The following UNC5C variants were observed in gnomAD, a reference collection of about 807,000 sequenced individuals.
UNC5C encodes the protein unc-5 netrin receptor C.
UNC5C carries 47 observed loss-of-function variants against 99.8 expected under a neutral mutation model. The ratio of observed to expected loss-of-function variants is 0.47; its 90% CI spans 0.37 to 0.60. The LOEUF (loss-of-function observed/expected upper bound fraction) is 0.60. UNC5C is among the 20% of genes least tolerant of loss of function. The probability of loss-of-function intolerance (pLI) is 0.00; values close to 1 mark genes in which losing one functional copy is unlikely to be tolerated. For missense variants in UNC5C, 1,062 were observed against 1,165.9 expected, an observed-to-expected ratio of 0.91 and a Z score of 1.30; for synonymous variants, 487 against 452.2, an observed-to-expected ratio of 1.08 and a Z score of -0.98.
chr4:95,440,178 G>A (rs1306914801), intron 1 of UNC5C, among the ~76,000 whole-genome samples: 2 of 152,098 alleles, frequency 1.3e-5, no homozygotes, highest in African/African-American at 2.4e-5. Context: ...TGTTCTGCAC[G>A]GATAGGAAAG....
chr4:95,201,666 C>T (rs1031649334), intron 12 of UNC5C, among the ~76,000 whole-genome samples: 10 of 151,566 alleles, frequency 6.6e-5, no homozygotes, highest in African/African-American at 1.2e-4. Context: ...TGCAGTGAGG[C>T]GATTTCGGCT....
At chr4:95,222,945 G>A (rs960035249) in intron 7 of UNC5C, among the ~76,000 whole-genome samples, 2 of 152,116 alleles carry the variant, frequency 1.3e-5, no homozygotes, top group African/African-American at 4.8e-5. Flanking sequence ...AGGGCCTAGA[G>A]GTTATAAGGG....
intron 14 of UNC5C, among the ~76,000 whole-genome samples, chr4:95,175,800 G>C (rs1736317476): frequency 6.6e-6 from 1 of 152,104 alleles, no homozygotes; most frequent in African/African-American, 2.4e-5. Flanking sequence ...TGCCTTGCTA[G>C]ACTGGGGAAG....
chr4:95,449,082 A>G (rs1032676491), intron 1 of UNC5C, among the ~76,000 whole-genome samples: 11 of 152,110 alleles, frequency 7.2e-5, no homozygotes, highest in Non-Finnish European at 1.5e-4. Flanking sequence ...AAAACAAATT[A>G]TATCAACAAA....
intron 13 of UNC5C, among the ~76,000 whole-genome samples, chr4:95,183,497 G>C (rs1736701166): frequency 1.3e-5 from 2 of 152,138 alleles, no homozygotes; most frequent in South Asian, 4.1e-4. Flanking sequence ...AAAGTCTAAA[G>C]GATACTGCAC....
intron 1 of UNC5C, among the ~76,000 whole-genome samples, chr4:95,407,118 A>C (rs1305377812): frequency 6.6e-6 from 1 of 152,194 alleles, no homozygotes; most frequent in Non-Finnish European, 1.5e-5. Context: ...AGACAATAGC[A>C]GATTAAGGTT....
chr4:95,331,682 AT>A (rs1489102294), intron 2 of UNC5C, among the ~76,000 whole-genome samples: 6 of 152,134 alleles, frequency 3.9e-5, no homozygotes. Context: ...TTTACAGTTA[AT>A]TTATAAGGTA....
intron 1 of UNC5C, among the ~76,000 whole-genome samples, chr4:95,516,955 T>G (rs1722235225): frequency 6.6e-6 from 1 of 152,054 alleles, no homozygotes; most frequent in Non-Finnish European, 1.5e-5. Context: ...GATAGAGGCT[T>G]CCGGGGAGCA....
Position 95,168,996 on chromosome 4 carries a change from G to A in UNC5C, c.*238C>T, listed in dbSNP as rs1735974185. 2.0e-6 allele frequency: 1 copy of A among 508,200 alleles called. No individual in the cohort carries two copies. The highest frequency in any genetic ancestry group is 3.5e-6 in the Non-Finnish European group (1 of 286,384). The allele number at this position is 508,200 out of a possible 1,614,324, so 31.5% of individuals were successfully genotyped here. A position where few individuals can be genotyped will look rare whatever the true frequency, so the allele number is the denominator to read the frequency against. ...ACAGCCCAACTAAGAGGAAAATTAG[G>A]TTGATAGCTAAATTCAAGGTACAAA... On this transcript the variant is annotated 3_prime_UTR_variant, in exon 16 of 16. Transcript: ENST00000453304.
chr4:95,516,919 T>C (rs1722234105), intron 1 of UNC5C, among the ~76,000 whole-genome samples: 1 of 152,040 alleles, frequency 6.6e-6, no homozygotes. Flanking sequence ...TGGAGAGCAC[T>C]ACGAAAAGGG....
chr4:95,272,468 G>T (rs1239427727), intron 4 of UNC5C, among the ~76,000 whole-genome samples: 1 of 152,196 alleles, frequency 6.6e-6, no homozygotes, highest in Non-Finnish European at 1.5e-5. Context: ...TTGGCTTACA[G>T]TGTTTCTGGG....
At chr4:95,298,098 C>T (rs1490850820) in intron 3 of UNC5C, among the ~76,000 whole-genome samples, 1 of 152,160 alleles carries the variant, frequency 6.6e-6, no homozygotes, top group Non-Finnish European at 1.5e-5. Flanking sequence ...TCGCTTGTGC[C>T]CAGGAGTTTG....
chr4:95,256,700 A>ATATATATATATATATG (rs1491551647), intron 4 of UNC5C, among the ~76,000 whole-genome samples: 3 of 101,328 alleles, frequency 3.0e-5, no homozygotes, highest in African/African-American at 1.3e-4. Flanking sequence ...AACTAAATAA[A>ATATATATATATATATG]TATATATATA....
At chr4:95,269,706 T>A (rs1740584821) in intron 4 of UNC5C, among the ~76,000 whole-genome samples, 1 of 151,516 alleles carries the variant, frequency 6.6e-6, no homozygotes, top group Admixed American at 6.6e-5. Context: ...AGCAAGGCCT[T>A]GACAATTTTT....
intron 1 of UNC5C, among the ~76,000 whole-genome samples, chr4:95,393,142 T>A (rs1045502212): frequency 6.6e-6 from 1 of 152,208 alleles, no homozygotes; most frequent in Non-Finnish European, 1.5e-5. Context: ...ATGTGTCACT[T>A]CATGATAAAA....
At chr4:95,287,531 T>C (rs1741278564) in intron 3 of UNC5C, among the ~76,000 whole-genome samples, 1 of 152,202 alleles carries the variant, frequency 6.6e-6, no homozygotes, top group Non-Finnish European at 1.5e-5. Context: ...TATTGTTCTT[T>C]AGAGTAGGAA....
chr4:95,221,260 A>G (rs903080617), intron 7 of UNC5C, among the ~76,000 whole-genome samples: 1 of 152,198 alleles, frequency 6.6e-6, no homozygotes, highest in African/African-American at 2.4e-5. Flanking sequence ...ACTCACTGTA[A>G]AAGAGGTTGT....
At chr4:95,513,205 A>G (rs983640403) in intron 1 of UNC5C, among the ~76,000 whole-genome samples, 1 of 152,214 alleles carries the variant, frequency 6.6e-6, no homozygotes, top group South Asian at 2.1e-4. Context: ...GCAGGAAACA[A>G]CTAATGTGGG....
In UNC5C at chr4:95,242,647, G is replaced by T. The variant is rs576448234; in HGVS notation, c.944-54C>A. ...CAGAGGGAGAGGCAGCTGCTTAAGG[G>T]ATGGAGCAGAGCTCAAATATAATAC... On this transcript the variant is annotated intron_variant, in intron 6 of 15. Coordinates refer to ENST00000453304, the MANE Select transcript of UNC5C (RefSeq NM_003728.4). 1,137 of 1,476,158 alleles carry T rather than the reference G, an allele frequency of 7.7e-4. 3 individuals carry two copies. Among genetic ancestry groups the T allele is most frequent in the Non-Finnish European group, 9.8e-4 (1,083 of 1,109,534 alleles). 91.4% of individuals were successfully genotyped at this position (1,476,158 alleles called of 1,614,324 possible).
Sources: gnomAD v4.1 joint callset for allele counts (sites outside exome capture counted in the v4.1 genomes callset) on GRCh38, gnomAD v4.1.1 for gene constraint, MANE v1.5 for transcripts, NCBI Gene and HGNC (gene_info 2026-07-23, HGNC 2026-07-21) for gene names.